Variants in DYNC2LI1 observed in about 807,000 individuals in gnomAD.
DYNC2LI1 encodes the protein cytoplasmic dynein 2 light intermediate chain 1.
In DYNC2LI1, 45 loss-of-function variants were observed where a neutral mutation model predicts 51.9. That is an observed-to-expected ratio of 0.87 (90% CI 0.68 to 1.11). The LOEUF (loss-of-function observed/expected upper bound fraction) is 1.11. Among genes scored for constraint, DYNC2LI1 ranks in the 50% most tolerant of loss-of-function variants. DYNC2LI1 has a pLI of 0.00. For missense variants in DYNC2LI1, 490 were observed against 417.4 expected, an observed-to-expected ratio of 1.17 and a Z score of -1.51; for synonymous variants, 130 against 137.8, an observed-to-expected ratio of 0.94 and a Z score of 0.40.
At chr2:43,787,766 GGGGGT>G (rs1673593507) in intron 4 of DYNC2LI1, among the ~76,000 whole-genome samples, 1 of 152,128 alleles carries the variant, frequency 6.6e-6, no homozygotes, top group African/African-American at 2.4e-5. Context: ...TATGCTGGCA[GGGGGT>G]GGGGTGGGGA....
chr2:43,794,092 C>T (rs1246185700), intron 5 of DYNC2LI1: 1 of 186,620 alleles, frequency 5.4e-6, no homozygotes, highest in Non-Finnish European at 1.1e-5. Flanking sequence ...TATTGTGTTA[C>T]TGTTTTTGCT....
At chr2:43,784,139 T>C (rs534998143) in intron 3 of DYNC2LI1, among the ~76,000 whole-genome samples, 11 of 152,172 alleles carry the variant, frequency 7.2e-5, no homozygotes, top group African/African-American at 2.7e-4. Context: ...TCCAAAATCA[T>C]CAAAAGAGAT....
At chr2:43,820,040 G>A in the DYNC2LI1 span, 6 of 1,614,122 alleles carry the variant, frequency 3.7e-6, no homozygotes, top group Non-Finnish European at 5.1e-6. Context: ...TTAAGTGGGG[G>A]GCCAAGAGAG....
In DYNC2LI1 at chr2:43,794,545, C is replaced by G; in HGVS notation, c.409C>G (p.His137Asp). Reference sequence around the variant, plus strand: ...AAATCTCTTGCAAGCCACAAAAAGCCATGTAGACAAAGTGATAATGAAACT... The same window carrying G: ...AAATCTCTTGCAAGCCACAAAAAGCGATGTAGACAAAGTGATAATGAAACT... Reference protein sequence around the residue: ...MENLLQATKSHVDKVIMKLGK... With the variant: ...MENLLQATKSDVDKVIMKLGK... Residue 137 changes from histidine (H) to aspartate (D), a missense_variant, in exon 6 of 13, where the codon CAT (histidine) becomes GAT (aspartate). His to Asp is a moderately conservative substitution (Grantham distance 81). Coordinates refer to ENST00000260605, the MANE Select transcript of DYNC2LI1 (RefSeq NM_016008.4). 6.2e-7 allele frequency: 1 copy of G among 1,614,012 alleles called. No individual in the cohort carries two copies. The highest frequency in any genetic ancestry group is 8.5e-7 in the Non-Finnish European group (1 of 1,179,980).
chr2:43,792,836 C>A, intron 5 of DYNC2LI1: 2 of 1,506,802 alleles, frequency 1.3e-6, no homozygotes, highest in Non-Finnish European at 1.8e-6. Flanking sequence ...GGATTTCCCT[C>A]ACTTCTAAGG....
intron 3 of DYNC2LI1, among the ~76,000 whole-genome samples, chr2:43,786,577 G>A (rs1334483794): frequency 2.0e-5 from 3 of 152,040 alleles, no homozygotes; most frequent in African/African-American, 4.8e-5. Context: ...CGAGGCGGGC[G>A]GATCACGAGG....
intron 8 of DYNC2LI1, among the ~76,000 whole-genome samples, 157 bp downstream of exon 8, chr2:43,796,952 A>T (rs763964382): frequency 6.6e-6 from 1 of 152,206 alleles, no homozygotes; most frequent in Non-Finnish European, 1.5e-5. Flanking sequence ...AGAGTGTTTG[A>T]TAATGCATCT....
Position 43,774,083 on chromosome 2 carries a change from T to A in DYNC2LI1, c.-56T>A, listed in dbSNP as rs755950526. 1.3e-4 allele frequency: 202 copies of A among 1,610,970 alleles called. No homozygotes were observed. Among genetic ancestry groups the A allele is most frequent in the Non-Finnish European group, 1.7e-4 (201 of 1,178,786 alleles). On this transcript the variant is annotated 5_prime_UTR_variant, in exon 1 of 13. Transcript: ENST00000260605. The stretch of plus-strand genomic sequence containing the variant: ...CTCCTTGCGGAGCTCGCCGCCTGAT[T>A]CTAGGCTGGTCACTACTCCGAGCCT...
the DYNC2LI1 span, among the ~76,000 whole-genome samples, chr2:43,825,471 T>C: frequency 6.6e-6 from 1 of 152,136 alleles, no homozygotes; most frequent in Admixed American, 6.5e-5. Context: ...GAAAGTGAGT[T>C]TTTTTGGAAG....
chr2:43,814,401 C>A, downstream of DYNC2LI1: 3 of 957,792 alleles, frequency 3.1e-6, no homozygotes, highest in Non-Finnish European at 5.0e-6. Flanking sequence ...GTTTTTATTT[C>A]AAAAATACAT....
chr2:43,779,583 G>T (rs1420887069), intron 2 of DYNC2LI1, among the ~76,000 whole-genome samples: 1 of 152,176 alleles, frequency 6.6e-6, no homozygotes, highest in African/African-American at 2.4e-5. Flanking sequence ...CAAATGCTGT[G>T]GTGGAAAACA....
chr2:43,809,747 C>T lies in DYNC2LI1; in HGVS notation c.1036C>T (p.Gln346Ter). The T allele has an allele frequency of 1.9e-6, 3 of 1,611,890 alleles. No homozygotes were observed. The highest frequency in any genetic ancestry group is 2.5e-6 in the Non-Finnish European group (3 of 1,179,032). Residue 346 changes from glutamine to a stop codon, truncating the protein, a stop_gained, in exon 13 of 13, where the codon CAA (glutamine) becomes TAA (stop). Transcript: ENST00000260605. LOFTEE classifies it high-confidence loss of function. ...YKRSSSKSWK[Q>*]IELDS is the part of the protein sequence containing the mutation. Reference sequence around the variant, plus strand: ...AAGAAGTTCTTCCAAGTCTTGGAAACAAATCGAGCTTGATTCTTGAACCTA... The same window carrying T: ...AAGAAGTTCTTCCAAGTCTTGGAAATAAATCGAGCTTGATTCTTGAACCTA...
intron 1 of DYNC2LI1, 142 bp from the exon 2 acceptor site, chr2:43,776,640 T>G: frequency 1.9e-6 from 1 of 539,722 alleles, no homozygotes; most frequent in Non-Finnish European, 3.3e-6. Context: ...AATCCTCAGA[T>G]GTTTTACCAG....
intron 2 of DYNC2LI1, chr2:43,781,735 T>G (rs1250501348): frequency 6.6e-6 from 1 of 151,976 alleles, no homozygotes; most frequent in Non-Finnish European, 1.5e-5. Context: ...CCCAAGTTGC[T>G]GGGACTGCAG....
At chr2:43,795,451 C>T (rs1033467772) in intron 6 of DYNC2LI1, among the ~76,000 whole-genome samples, 9 of 151,916 alleles carry the variant, frequency 5.9e-5, no homozygotes, top group Admixed American at 5.2e-4. Flanking sequence ...TTGCAGTGAG[C>T]CGAGATCGCG....
chr2:43,820,682 T>G, the DYNC2LI1 span, among the ~76,000 whole-genome samples: 4 of 152,178 alleles, frequency 2.6e-5, no homozygotes, highest in Non-Finnish European at 4.4e-5. Flanking sequence ...GAGACGGAGT[T>G]GCACTCTGTT....
At chr2:43,815,856 C>T in the DYNC2LI1 span, among the ~76,000 whole-genome samples, 1 of 144,008 alleles carries the variant, frequency 6.9e-6, no homozygotes, top group Non-Finnish European at 1.5e-5. Context: ...AGAAAATTAA[C>T]GTGACTCCAG....
downstream of DYNC2LI1, chr2:43,814,526 G>A: frequency 6.2e-7 from 1 of 1,609,492 alleles, no homozygotes; most frequent in Non-Finnish European, 8.5e-7. Context: ...GAATCTCACT[G>A]CAATATTTTT....
intron 1 of DYNC2LI1, chr2:43,775,674 TTTTTCTTTTTTTA>T (rs955745312): frequency 1.8e-5 from 7 of 392,582 alleles, no homozygotes; most frequent in African/African-American, 1.4e-4. Context: ...ATTTCTTTTC[TTTTTCTTTTTTTA>T]TTTTCTTTTT....
Sources: gnomAD v4.1 joint callset for allele counts (sites outside exome capture counted in the v4.1 genomes callset) on GRCh38, gnomAD v4.1.1 for gene constraint, MANE v1.5 for transcripts, NCBI Gene and HGNC (gene_info 2026-07-23, HGNC 2026-07-21) for gene names.